Variants in ZNF385D observed in about 807,000 individuals in gnomAD.
ZNF385D encodes zinc finger protein 385D, also known as zinc finger protein 659.
In ZNF385D, 15 loss-of-function variants were observed where a neutral mutation model predicts 35.8. The ratio of observed to expected loss-of-function variants is 0.42; its 90% confidence interval spans 0.28 to 0.64. ZNF385D has a LOEUF of 0.64. Among genes scored for constraint, ZNF385D ranks in the 30% least tolerant of loss-of-function variants. The pLI is 0.23. For synonymous variants in ZNF385D, 212 were observed against 186.8 expected (o/e 1.13, Z -1.10); for missense variants, 474 against 494.6 (o/e 0.96, Z 0.39).
At chr3:21,815,460 G>C (rs907737583) in intron 3 of ZNF385D, among the ~76,000 whole-genome samples, 5 of 152,146 alleles carry the variant, frequency 3.3e-5, no homozygotes, top group South Asian at 2.1e-4. Context: ...GAAGAAAAGA[G>C]AGAAGAATCA....
At chr3:21,880,962 G>T (rs540924819) in intron 3 of ZNF385D, among the ~76,000 whole-genome samples, 1 of 151,966 alleles carries the variant, frequency 6.6e-6, no homozygotes, top group African/African-American at 2.4e-5. Context: ...CCCTAACTCT[G>T]TTCAATTCTG....
At chr3:22,236,865 C>T (rs1699214571) in intron 2 of ZNF385D, among the ~76,000 whole-genome samples, 1 of 152,122 alleles carries the variant, frequency 6.6e-6, no homozygotes, top group African/African-American at 2.4e-5. Context: ...ATCAGTATTT[C>T]AATTTGATTT....
At chr3:21,716,291 A>G (rs1331256548) in intron 1 of ZNF385D, among the ~76,000 whole-genome samples, 1 of 152,134 alleles carries the variant, frequency 6.6e-6, no homozygotes, top group Admixed American at 6.6e-5. Flanking sequence ...TTTATTCCTC[A>G]GAAACTGCCA....
At chr3:21,896,820 CT>C (rs11410914) in intron 3 of ZNF385D, among the ~76,000 whole-genome samples, 33,424 of 146,782 alleles carry the variant, frequency 0.23, 3,681 homozygotes, top group Middle Eastern at 0.3. Flanking sequence ...GTTCTTAATA[CT>C]TTTTTTTTTT....
intron 2 of ZNF385D, among the ~76,000 whole-genome samples, chr3:21,568,935 A>G (rs867380136): frequency 1.3e-5 from 2 of 152,318 alleles, no homozygotes; most frequent in South Asian, 2.1e-4. Flanking sequence ...TAAAATCTGC[A>G]TGGTATTTTA....
intron 3 of ZNF385D, among the ~76,000 whole-genome samples, chr3:22,097,003 A>G (rs1701668938): frequency 6.6e-6 from 1 of 152,082 alleles, no homozygotes; most frequent in Non-Finnish European, 1.5e-5. Flanking sequence ...CTCAGTTACC[A>G]TGCTGTAAGC....
chr3:22,082,454 G>A (rs1303494665), intron 3 of ZNF385D, among the ~76,000 whole-genome samples: 8 of 152,168 alleles, frequency 5.3e-5, no homozygotes, highest in African/African-American at 1.9e-4. Flanking sequence ...CACTGCTAGT[G>A]CAGCAGTCCG....
chr3:21,881,325 C>T (rs1698265638), intron 3 of ZNF385D, among the ~76,000 whole-genome samples: 1 of 151,948 alleles, frequency 6.6e-6, no homozygotes, highest in Non-Finnish European at 1.5e-5. Flanking sequence ...TAAGTTGAAG[C>T]CAGTGCTCAT....
chr3:21,990,791 T>C (rs1341101005), intron 3 of ZNF385D, among the ~76,000 whole-genome samples: 2 of 152,226 alleles, frequency 1.3e-5, no homozygotes, highest in African/African-American at 2.4e-5. Context: ...CTAACTCAGA[T>C]GGGAAAATTC....
intron 1 of ZNF385D, among the ~76,000 whole-genome samples, chr3:21,747,036 T>G (rs1180270297): frequency 8.0e-6 from 1 of 124,508 alleles, no homozygotes; most frequent in African/African-American, 2.7e-5. Flanking sequence ...CCTACTAGAT[T>G]TTCTTTTTTT....
chr3:22,068,239 C>T (rs1275971257), intron 3 of ZNF385D, among the ~76,000 whole-genome samples: 1 of 152,164 alleles, frequency 6.6e-6, no homozygotes, highest in Non-Finnish European at 1.5e-5. Flanking sequence ...TCACTAGACA[C>T]TGTGATGCTA....
intron 3 of ZNF385D, among the ~76,000 whole-genome samples, chr3:22,059,568 T>C (rs1371354705): frequency 1.3e-5 from 2 of 152,194 alleles, no homozygotes; most frequent in African/African-American, 4.8e-5. Flanking sequence ...TGGTGGTGAG[T>C]GGAATGTATA....
intron 3 of ZNF385D, among the ~76,000 whole-genome samples, chr3:21,989,182 C>T (rs948526299): frequency 1.2e-4 from 18 of 152,158 alleles, no homozygotes; most frequent in Non-Finnish European, 2.6e-4. Flanking sequence ...TCCTCCGACC[C>T]CATCTCCCTC....
At chr3:21,633,974 T>C (rs990380960) in intron 2 of ZNF385D, among the ~76,000 whole-genome samples, 12 of 151,988 alleles carry the variant, frequency 7.9e-5, no homozygotes, top group African/African-American at 2.7e-4. Context: ...GGCAGGTGGA[T>C]TGCTTGAGCC....
At chr3:21,543,489 C>G (rs1208926750) in intron 3 of ZNF385D, among the ~76,000 whole-genome samples, 2 of 152,168 alleles carry the variant, frequency 1.3e-5, no homozygotes, top group Admixed American at 1.3e-4. Flanking sequence ...CCTTGCGGGG[C>G]TGGGATGCAT....
intron 2 of ZNF385D, among the ~76,000 whole-genome samples, chr3:22,342,505 T>C (rs530635123): frequency 6.6e-6 from 1 of 152,170 alleles, no homozygotes; most frequent in African/African-American, 2.4e-5. Context: ...CTGAACAACT[T>C]ATTTAGAAAC....
intron 6 of ZNF385D, among the ~76,000 whole-genome samples, chr3:21,424,862 G>T (rs1700942272): frequency 6.6e-6 from 1 of 151,954 alleles, no homozygotes; most frequent in South Asian, 2.1e-4. Flanking sequence ...TAAATAAGGT[G>T]CATAAAATCA....
intron 2 of ZNF385D, among the ~76,000 whole-genome samples, chr3:22,313,971 T>C (rs1388931611): frequency 6.6e-6 from 1 of 152,170 alleles, no homozygotes; most frequent in Non-Finnish European, 1.5e-5. Flanking sequence ...AAGCTCTGCA[T>C]AAGTTCTGAT....
intron 2 of ZNF385D, among the ~76,000 whole-genome samples, chr3:21,622,705 G>C (rs1425161703): frequency 6.6e-6 from 1 of 151,890 alleles, no homozygotes; most frequent in East Asian, 1.9e-4. Flanking sequence ...ATTTATATTG[G>C]TAATGATTAT....
Sources: allele counts gnomAD v4.1 joint callset (sites outside exome capture counted in the v4.1 genomes callset), GRCh38; gene constraint gnomAD v4.1.1; transcripts MANE v1.5; gene names NCBI Gene and HGNC (gene_info 2026-07-23, HGNC 2026-07-21).